Variants in PTPRD observed in about 807,000 individuals in gnomAD.
The protein encoded by PTPRD is protein tyrosine phosphatase receptor type D, also known as receptor-type tyrosine-protein phosphatase delta.
In PTPRD, 34 loss-of-function variants were observed where a neutral mutation model predicts 214.5. The observed-to-expected ratio is 0.16, with a 90% CI of 0.12 to 0.21. PTPRD has a LOEUF of 0.21. PTPRD is among the 10% of genes least tolerant of loss of function. The pLI is 1.00. For synonymous variants in PTPRD, 1,128 were observed against 845.7 expected (o/e 1.33, Z -5.79); for missense variants, 2,545 against 2,398.7 (o/e 1.06, Z -1.27).
chr9:8,554,985 T>A (rs763671401), intron 14 of PTPRD, among the ~76,000 whole-genome samples: 2 of 143,930 alleles, frequency 1.4e-5, no homozygotes, highest in Non-Finnish European at 2.9e-5. Flanking sequence ...TATGTATATA[T>A]ACACTATATA....
At chr9:10,387,072 A>G (rs936736068) in intron 2 of PTPRD, among the ~76,000 whole-genome samples, 11 of 151,836 alleles carry the variant, frequency 7.2e-5, no homozygotes, top group Non-Finnish European at 1.0e-4. Context: ...AGAGAAAAAA[A>G]TAAAAAGATT....
intron 14 of PTPRD, among the ~76,000 whole-genome samples, chr9:8,581,051 T>C (rs1182684378): frequency 6.6e-6 from 1 of 152,136 alleles, no homozygotes; most frequent in East Asian, 1.9e-4. Context: ...CAGAAAAGAA[T>C]GTTGTTTAGT....
intron 5 of PTPRD, among the ~76,000 whole-genome samples, chr9:9,810,346 G>A (rs539662849): frequency 6.6e-6 from 1 of 152,052 alleles, no homozygotes; most frequent in African/African-American, 2.4e-5. Flanking sequence ...GCACTCTGAT[G>A]GCAAAAAAGG....
In PTPRD at chr9:8,633,762, A is replaced by G. The variant is rs182534062; in HGVS notation, c.211-304T>C. On this transcript the variant is annotated intron_variant, in intron 13 of 45. Transcript: ENST00000381196. ...TCATCTAGGGCAATTTGACTCTATT[A>G]ATTTTGCAAGAGGCTTGCAGCTATA... is the stretch of plus-strand genomic sequence containing the variant. 2.5e-4 allele frequency among the ~76,000 whole-genome samples: 38 copies of G among 152,236 alleles called. No individual in the cohort carries two copies. The East Asian group carries it at 5.2e-3, about 21-fold the overall frequency.
intron 6 of PTPRD, among the ~76,000 whole-genome samples, chr9:9,746,569 C>T (rs908014560): frequency 3.9e-5 from 6 of 152,048 alleles, no homozygotes; most frequent in African/African-American, 7.2e-5. Context: ...TATTGTGAGT[C>T]GATATTCACT....
At chr9:10,147,774 A>G (rs992224438) in intron 3 of PTPRD, among the ~76,000 whole-genome samples, 1 of 152,100 alleles carries the variant, frequency 6.6e-6, no homozygotes, top group Non-Finnish European at 1.5e-5. Context: ...CAGCCACTTA[A>G]GAGGCTCAGG....
At chr9:9,909,188 C>T (rs1400338697) in intron 5 of PTPRD, among the ~76,000 whole-genome samples, 1 of 151,854 alleles carries the variant, frequency 6.6e-6, no homozygotes, top group Non-Finnish European at 1.5e-5. Flanking sequence ...TGAAGCAGCA[C>T]ATTTCTACCT....
At chr9:8,474,459 G>A (rs1037759487) in intron 30 of PTPRD, among the ~76,000 whole-genome samples, 2 of 152,110 alleles carry the variant, frequency 1.3e-5, no homozygotes, top group Non-Finnish European at 2.9e-5. Context: ...TACCTTAGCT[G>A]AAATCTACGC....
intron 8 of PTPRD, among the ~76,000 whole-genome samples, chr9:9,524,217 T>C (rs1317866196): frequency 6.6e-6 from 1 of 152,156 alleles, no homozygotes; most frequent in Non-Finnish European, 1.5e-5. Context: ...CAGCTGTGTC[T>C]GAAAGCTGTA....
intron 9 of PTPRD, among the ~76,000 whole-genome samples, chr9:9,270,357 A>C (rs1481877736): frequency 6.6e-6 from 1 of 151,438 alleles, no homozygotes; most frequent in Non-Finnish European, 1.5e-5. Flanking sequence ...AAGAATGTAG[A>C]GAAAGCCTCT....
chr9:10,394,349 G>T (rs2154492749), intron 2 of PTPRD, among the ~76,000 whole-genome samples: 1 of 150,870 alleles, frequency 6.6e-6, no homozygotes, highest in East Asian at 2.0e-4. Flanking sequence ...TATAATTTAA[G>T]GTTTCAACAA....
intron 28 of PTPRD, 183 bp downstream of exon 28, chr9:8,485,579 T>C: frequency 9.1e-6 from 6 of 661,568 alleles, no homozygotes; most frequent in East Asian, 5.5e-5. Flanking sequence ...CCAGACTTGC[T>C]TGACATTCTA....
rs190297493 is a variant in PTPRD, at chr9:9,352,576, G to A, written c.-203+44873C>T. Reference sequence around the variant, plus strand: ...CACTCTGTTGCCTTCACACAAAATAGCTGGTTAAGTTTTATTTGTAAATCT... The same window carrying A: ...CACTCTGTTGCCTTCACACAAAATAACTGGTTAAGTTTTATTTGTAAATCT... On this transcript the variant is annotated intron_variant, in intron 9 of 45. Transcript: ENST00000381196. 1.3e-5 allele frequency among the ~76,000 whole-genome samples: 2 copies of A among 151,894 alleles called. 1 individual carries two copies. The highest frequency in any genetic ancestry group is 2.9e-5 in the Non-Finnish European group (2 of 67,904).
intron 2 of PTPRD, among the ~76,000 whole-genome samples, chr9:10,492,497 C>T (rs555393234): frequency 3.3e-5 from 5 of 152,062 alleles, no homozygotes; most frequent in South Asian, 2.1e-4. Context: ...GTTTATTGGC[C>T]ACATAAATGT....
chr9:9,583,145 C>T (rs2091195874), intron 7 of PTPRD, among the ~76,000 whole-genome samples: 1 of 151,934 alleles, frequency 6.6e-6, no homozygotes, highest in Non-Finnish European at 1.5e-5. Flanking sequence ...TCCAAAATGT[C>T]AAAATCTCTA....
chr9:10,450,297 A>T (rs2098832400), intron 2 of PTPRD, among the ~76,000 whole-genome samples: 1 of 148,364 alleles, frequency 6.7e-6, no homozygotes, highest in Non-Finnish European at 1.5e-5. Flanking sequence ...ACAAAAAAAG[A>T]TTATTATGCA....
intron 2 of PTPRD, among the ~76,000 whole-genome samples, chr9:10,447,476 C>T (rs1315481254): frequency 6.6e-6 from 1 of 151,982 alleles, no homozygotes; most frequent in African/African-American, 2.4e-5. Context: ...TGAACCTCTG[C>T]CATCAGATGT....
chr9:8,700,654 G>A (rs2098057455), intron 12 of PTPRD: 1 of 152,162 alleles, frequency 6.6e-6, no homozygotes, highest in African/African-American at 2.4e-5. Context: ...TTCATGGAGA[G>A]TAATTAAAGA....
intron 4 of PTPRD, among the ~76,000 whole-genome samples, chr9:9,965,379 A>T (rs1210498395): frequency 6.6e-6 from 1 of 152,136 alleles, no homozygotes; most frequent in Non-Finnish European, 1.5e-5. Flanking sequence ...GAGACTGGTG[A>T]GGCAGGTATA....
Sources: allele counts gnomAD v4.1 joint callset (sites outside exome capture counted in the v4.1 genomes callset), GRCh38; gene constraint gnomAD v4.1.1; transcripts MANE v1.5; gene names NCBI Gene and HGNC (gene_info 2026-07-23, HGNC 2026-07-21).